Variants in DCAF10 observed in about 807,000 individuals in gnomAD.
DCAF10 encodes the protein DDB1 and CUL4 associated factor 10.
DCAF10 carries 19 observed loss-of-function variants against 51.9 expected under a neutral mutation model. That is an observed-to-expected ratio of 0.37 (90% CI 0.26 to 0.54). The LOEUF is 0.54. Ranked by LOEUF, DCAF10 falls within the 20% of genes least tolerant of loss-of-function variation. The pLI is 0.87. For synonymous variants in DCAF10, 291 were observed against 297.1 expected (o/e 0.98, Z 0.21); for missense variants, 510 against 730.6 (o/e 0.70, Z 3.48).
chr9:37,818,634 A>G (rs1301409965), intron 1 of DCAF10, among the ~76,000 whole-genome samples: 2 of 152,348 alleles, frequency 1.3e-5, no homozygotes, highest in East Asian at 3.9e-4. Flanking sequence ...AAGTTTGACT[A>G]TGTTTAACTG....
At chr9:37,822,304 G>C (rs1274755772) in intron 2 of DCAF10, among the ~76,000 whole-genome samples, 1 of 151,584 alleles carries the variant, frequency 6.6e-6, no homozygotes, top group Non-Finnish European at 1.5e-5. Flanking sequence ...ATTTGAAAAA[G>C]ATACTTGCAC....
At chr9:37,810,701 A>G (rs1263691272) in intron 1 of DCAF10, among the ~76,000 whole-genome samples, 5 of 152,124 alleles carry the variant, frequency 3.3e-5, no homozygotes, top group Admixed American at 3.3e-4. Flanking sequence ...ACCTCAGGTG[A>G]TCTGTCTGCC....
In DCAF10 at chr9:37,800,889, G is replaced by T. The variant is rs1289008854; in HGVS notation, c.23G>T (p.Ser8Ile). 6.7e-7 allele frequency: 1 copy of T among 1,498,192 alleles called. No homozygotes were observed. The highest frequency in any genetic ancestry group is 8.8e-7 in the Non-Finnish European group (1 of 1,130,888). The allele number at this position is 1,498,192 out of a possible 1,614,324, so 92.8% of individuals were successfully genotyped here. The part of the protein sequence containing the change: MFPFGPH[S>I]PGGDGSAGAG... Reference sequence around the variant, plus strand: ...ATCATGTTTCCCTTTGGGCCCCATAGCCCTGGAGGGGACGGATCGGCCGGA... The same window carrying T: ...ATCATGTTTCCCTTTGGGCCCCATATCCCTGGAGGGGACGGATCGGCCGGA... The change falls in exon 1 of 7, where the codon AGC (serine) becomes ATC (isoleucine). Residue 8 changes from serine to isoleucine, a missense_variant. Transcript: ENST00000377724.
chr9:37,837,826 A>G (rs966465521), intron 2 of DCAF10, among the ~76,000 whole-genome samples: 2 of 151,134 alleles, frequency 1.3e-5, no homozygotes, highest in African/African-American at 4.9e-5. Context: ...AGTGTGTTGA[A>G]TACATACTGC....
intron 1 of DCAF10, among the ~76,000 whole-genome samples, chr9:37,805,671 G>A (rs1829093186): frequency 6.6e-6 from 1 of 151,448 alleles, no homozygotes; most frequent in South Asian, 2.1e-4. Flanking sequence ...TCCAAAAGAA[G>A]GCAAGAAAGG....
At chr9:37,812,196 C>CA (rs1009479261) in intron 1 of DCAF10, among the ~76,000 whole-genome samples, 266 of 144,276 alleles carry the variant, frequency 1.8e-3, no homozygotes, top group Middle Eastern at 0.01. Flanking sequence ...GCTTCAAAAA[C>CA]AAAAAAAAAA....
intron 1 of DCAF10, among the ~76,000 whole-genome samples, chr9:37,808,191 T>C (rs751198566): frequency 4.3e-4 from 66 of 151,918 alleles, no homozygotes; most frequent in Non-Finnish European, 8.4e-4. Context: ...CCCAACACTT[T>C]GGGAGGCTGA....
chr9:37,809,868 C>A (rs1410847077), intron 1 of DCAF10, among the ~76,000 whole-genome samples: 2 of 145,728 alleles, frequency 1.4e-5, no homozygotes, highest in African/African-American at 2.5e-5. Context: ...GGGAGCGGGG[C>A]GGCCGTGCGC....
chr9:37,846,352 A>G (rs1830471334), intron 3 of DCAF10, among the ~76,000 whole-genome samples: 2 of 152,234 alleles, frequency 1.3e-5, no homozygotes, highest in Non-Finnish European at 2.9e-5. Context: ...TAAAAGGATT[A>G]ATAAGGAGTA....
Position 37,819,290 on chromosome 9 carries a change from C to A in DCAF10, c.542C>A (p.Ser181Ter). The A allele has an allele frequency of 6.2e-7, 1 of 1,612,068 alleles. No individual in the cohort carries two copies. The highest frequency in any genetic ancestry group is 1.1e-5 in the South Asian group (1 of 90,722). ...VFNLEYSPDG[S>*]VLTVACEQTE... is the part of the protein sequence containing the mutation. Reference sequence around the variant, plus strand: ...ATAAATGTGTCATTTGCTTTCAGGTCAGTGCTGACAGTTGCTTGTGAACAA... The same window carrying A: ...ATAAATGTGTCATTTGCTTTCAGGTAAGTGCTGACAGTTGCTTGTGAACAA... The change falls in exon 2 of 7, where the codon TCA (serine) becomes TAA (stop). Residue 181 changes from serine to a stop codon, truncating the protein, a stop_gained and splice_region_variant. Transcript: ENST00000377724. LOFTEE classifies it high-confidence loss of function.
chr9:37,840,002 ATATTAAG>A, intron 2 of DCAF10, among the ~76,000 whole-genome samples: 1 of 152,290 alleles, frequency 6.6e-6, no homozygotes, highest in Non-Finnish European at 1.5e-5. Flanking sequence ...TTACAGTATA[ATATTAAG>A]TATTATGATA....
rs1021927508 is a variant in DCAF10, at chr9:37,837,887, G to A, written c.654-4202G>A. Among the ~76,000 whole-genome samples the A allele has an allele frequency of 1.3e-5, 2 of 151,950 alleles. 1 individual carries two copies. The highest frequency in any genetic ancestry group is 2.9e-5 in the Non-Finnish European group (2 of 68,006). On this transcript the variant is annotated intron_variant, in intron 2 of 6. Transcript: ENST00000377724. ...ATTAAAATTTTGATTAGCTGGGCATGGTGGCATGTGCCCATAGTCCCAGCT... is the reference window on the plus strand; with the variant it reads ...ATTAAAATTTTGATTAGCTGGGCATAGTGGCATGTGCCCATAGTCCCAGCT...
At chr9:37,850,826 T>TTTTATA (rs1328675062) in intron 3 of DCAF10, among the ~76,000 whole-genome samples, 21 of 45,868 alleles carry the variant, frequency 4.6e-4, no homozygotes, top group Non-Finnish European at 9.0e-4. Flanking sequence ...AGGATATATT[T>TTTTATA]TATATATATA....
rs544911421 is a variant in DCAF10 at position 37,867,103 on chromosome 9, A to G, written c.*5595A>G. On this transcript the variant is annotated 3_prime_UTR_variant, in exon 7 of 7. Transcript: ENST00000377724. ...TTCTCCCATTCAAATGATAATGGAA[A>G]TTACTGTCAAAAGGAAAATCTCAAA... 1.3e-5 allele frequency: 2 copies of G among 152,306 alleles called. No homozygotes were observed. Among genetic ancestry groups the G allele is most frequent in the South Asian group, 4.1e-4 (2 of 4,826 alleles). 9.4% of individuals were successfully genotyped at this position (152,306 alleles called of 1,614,324 possible). A position where few individuals can be genotyped will look rare whatever the true frequency, so the allele number is the denominator to read the frequency against.
chr9:37,844,061 T>C (rs774070851), intron 3 of DCAF10, among the ~76,000 whole-genome samples: 12 of 152,174 alleles, frequency 7.9e-5, no homozygotes, highest in African/African-American at 2.9e-4. Context: ...AAAGGTACTA[T>C]AACAAAAGAT....
intron 2 of DCAF10, among the ~76,000 whole-genome samples, chr9:37,823,709 A>G (rs940331889): frequency 1.3e-5 from 2 of 152,128 alleles, no homozygotes; most frequent in Non-Finnish European, 2.9e-5. Flanking sequence ...TAGTCACACT[A>G]AAAAAGAAAA....
intron 2 of DCAF10, chr9:37,835,957 T>C (rs1830151082): frequency 1.0e-6 from 1 of 988,662 alleles, no homozygotes; most frequent in African/African-American, 1.6e-5. Context: ...TTTGGCTATA[T>C]TGCCCTTAGA....
chr9:37,835,303 G>A (rs147351743), intron 2 of DCAF10, among the ~76,000 whole-genome samples: 8,439 of 152,186 alleles, frequency 0.055, 333 homozygotes, highest in Non-Finnish European at 0.083. Flanking sequence ...CTGGGGCCGG[G>A]TGTGGTGGCT....
At chr9:37,842,020 G>A (rs1830350939) in intron 2 of DCAF10, 69 bp from the exon 3 acceptor site, 1 of 1,472,380 alleles carries the variant, frequency 6.8e-7, no homozygotes, top group Admixed American at 2.1e-5. Context: ...TATAGTGACT[G>A]TTTCTCAAAT....
Sources: allele counts gnomAD v4.1 joint callset (sites outside exome capture counted in the v4.1 genomes callset), GRCh38; gene constraint gnomAD v4.1.1; transcripts MANE v1.5; gene names NCBI Gene and HGNC (gene_info 2026-07-23, HGNC 2026-07-21).